The following ZNF148 variants were observed in gnomAD, a reference collection of about 807,000 sequenced individuals.
ZNF148 encodes Beta-Enolase Repressor Factor-1.
ZNF148 carries 7 observed loss-of-function variants against 67.7 expected under a neutral mutation model. The ratio of observed to expected loss-of-function variants is 0.10; its 90% CI spans 0.06 to 0.19. The LOEUF (loss-of-function observed/expected upper bound fraction) is 0.19. Among genes scored for constraint, ZNF148 ranks in the 10% least tolerant of loss-of-function variants. The pLI, the probability that ZNF148 is intolerant of heterozygous loss-of-function variation, is 1.00. For missense variants in ZNF148, 583 were observed against 947.1 expected (o/e 0.62, Z 5.05); for synonymous variants, 333 against 330.7 (o/e 1.01, Z -0.08).
chr3:125,259,610 T>C (rs1184653570), intron 7 of ZNF148, among the ~76,000 whole-genome samples: 9 of 152,242 alleles, frequency 5.9e-5, no homozygotes, highest in Non-Finnish European at 1.2e-4. Flanking sequence ...CTATAGCCTA[T>C]TAAGTGTAAA....
At chr3:125,365,760 G>A (rs1056483072) in intron 1 of ZNF148, among the ~76,000 whole-genome samples, 10 of 152,194 alleles carry the variant, frequency 6.6e-5, no homozygotes, top group Admixed American at 1.3e-4. Flanking sequence ...AGAGGCTGCA[G>A]TGAGCTGCTG....
chr3:125,258,475 GCTGGGCTCAAACTC>G (rs1427708374), intron 7 of ZNF148, among the ~76,000 whole-genome samples: 2 of 146,868 alleles, frequency 1.4e-5, no homozygotes, highest in Admixed American at 6.8e-5. Flanking sequence ...TGTTACCCAG[GCTGGGCTCAAACTC>G]CTGGGCTCAT....
Position 125,339,994 on chromosome 3 carries a change from T to C in ZNF148, c.-233-8756A>G, listed in dbSNP as rs552816127. ...GTTCAGATAAAATGGCCTAGATCTG[T>C]TCTCCTACTGCCCCTACTCACGAAG... On this transcript the variant is annotated intron_variant, in intron 1 of 8. Transcript: ENST00000360647. Among the ~76,000 whole-genome samples the C allele has an allele frequency of 4.0e-4, 61 of 152,272 alleles. 1 individual carries two copies. The South Asian group carries it at 0.012, about 29-fold the overall frequency.
rs745572064 is a variant in ZNF148, at chr3:125,232,641, G to T, written c.2085C>A (p.Asn695Lys). The T allele has an allele frequency of 1.2e-6, 2 of 1,613,676 alleles. No individual in the cohort carries two copies. Residue 695 changes from asparagine (N) to lysine (K), a missense_variant, in exon 9 of 9, where the codon AAC (asparagine) becomes AAA (lysine). This residue lies in a region of ZNF148 where 158 missense variants were observed against 208.4 expected (regional missense o/e 0.76). Transcript: ENST00000360647. The surrounding 1 kb of genome is among the most constrained non-coding windows in gnomAD (Gnocchi z 4.2). ...CCTGTGTTGATGTGGCAGAAGCATG[G>T]TTTGTCTCATCACCTGAAAAGGGAA... ...HSFPFSGDET[N>K]HASATSTQDF...
chr3:125,348,860 C>A (rs528750593), intron 1 of ZNF148, among the ~76,000 whole-genome samples: 13 of 152,110 alleles, frequency 8.5e-5, no homozygotes, highest in Non-Finnish European at 1.5e-4. Context: ...CACATTAAAA[C>A]AGTATGGTAC....
At chr3:125,303,518 G>A (rs576704643) in intron 4 of ZNF148, among the ~76,000 whole-genome samples, 2 of 152,226 alleles carry the variant, frequency 1.3e-5, no homozygotes, top group East Asian at 3.9e-4. Context: ...ATTCTCATAG[G>A]AGCTCAAACC....
At chr3:125,261,515 T>C (rs1560122091) in intron 7 of ZNF148, among the ~76,000 whole-genome samples, 3 of 152,128 alleles carry the variant, frequency 2.0e-5, no homozygotes, top group Admixed American at 2.0e-4. Flanking sequence ...GTTGACAATT[T>C]AAATTAAATA....
intron 7 of ZNF148, among the ~76,000 whole-genome samples, chr3:125,270,704 G>T (rs542922833): frequency 1.3e-5 from 2 of 152,006 alleles, no homozygotes; most frequent in Admixed American, 6.6e-5. Flanking sequence ...AGAAAAATAA[G>T]AAACTACTGT....
At chr3:125,336,418 T>G (rs182400854) in intron 1 of ZNF148, among the ~76,000 whole-genome samples, 15 of 152,310 alleles carry the variant, frequency 9.8e-5, no homozygotes, top group African/African-American at 3.6e-4. Flanking sequence ...AAAAACTTGT[T>G]CCAGGCAAGA....
In ZNF148 at chr3:125,277,774, G is replaced by A; in HGVS notation, c.619C>T (p.Arg207Cys). 6.2e-7 allele frequency: 1 copy of A among 1,610,476 alleles called. No individual in the cohort carries two copies. Among genetic ancestry groups the A allele is most frequent in the Non-Finnish European group, 8.5e-7 (1 of 1,178,580 alleles). The part of the protein sequence containing the change: ...KPFQCSQCDM[R>C]FIQKYLLQRH... ...TGAAGCAGGTACTTCTGTATGAAAC[G>A]CATGTCACATTGACTACATTGAAAT... The change falls in exon 7 of 9, where the codon CGT becomes TGT. Residue 207 changes from arginine to cysteine, a missense_variant. Physicochemically the swap from Arg to Cys is radical, Grantham distance 180 (BLOSUM62 -3). Transcript: ENST00000360647.
chr3:125,307,282 T>G (rs554888701), intron 4 of ZNF148, among the ~76,000 whole-genome samples: 1 of 150,952 alleles, frequency 6.6e-6, no homozygotes, highest in South Asian at 2.1e-4. Context: ...GAAGAAGTAC[T>G]TGATGAAGTT....
At chr3:125,356,048 C>A (rs1942331860) in intron 1 of ZNF148, among the ~76,000 whole-genome samples, 1 of 152,132 alleles carries the variant, frequency 6.6e-6, no homozygotes, top group Non-Finnish European at 1.5e-5. Flanking sequence ...AAAAATATAT[C>A]TTCCCCCCGT....
chr3:125,252,138 T>C (rs1936866158), intron 7 of ZNF148, among the ~76,000 whole-genome samples: 1 of 152,228 alleles, frequency 6.6e-6, no homozygotes, highest in African/African-American at 2.4e-5. Context: ...TACTAGCTTG[T>C]CCTTTAACAG....
chr3:125,374,955 C>G, intron 1 of ZNF148, 147 bp downstream of exon 1: 1 of 151,818 alleles, frequency 6.6e-6, no homozygotes, highest in Admixed American at 6.6e-5. Context: ...CCCTCGGCCT[C>G]GGCTGGCCCC....
At chr3:125,366,793 GCTCT>G (rs1052926474) in intron 1 of ZNF148, among the ~76,000 whole-genome samples, 1 of 152,066 alleles carries the variant, frequency 6.6e-6, no homozygotes, top group African/African-American at 2.4e-5. Flanking sequence ...AGGCAGGAAT[GCTCT>G]CTTTCAGTAA....
intron 3 of ZNF148, among the ~76,000 whole-genome samples, chr3:125,315,829 T>C (rs778987045): frequency 6.6e-6 from 1 of 152,124 alleles, no homozygotes; most frequent in Admixed American, 6.5e-5. Flanking sequence ...GAATGGGGTA[T>C]CCATCCCCTC....
intron 7 of ZNF148, among the ~76,000 whole-genome samples, chr3:125,252,280 A>G (rs1161092030): frequency 6.7e-6 from 1 of 150,182 alleles, no homozygotes; most frequent in Non-Finnish European, 1.5e-5. Flanking sequence ...AGTACTTTCT[A>G]TATCCTGTTT....
intron 7 of ZNF148, among the ~76,000 whole-genome samples, chr3:125,266,660 G>A (rs1247690116): frequency 6.6e-6 from 1 of 151,872 alleles, no homozygotes; most frequent in African/African-American, 2.4e-5. Context: ...CACACCTAAA[G>A]GAACTAGAAA....
At position 125,350,881 on chromosome 3, in the gene ZNF148, G is replaced by A. The variant is rs188465734; in HGVS notation, c.-233-19643C>T. 1.4e-4 allele frequency among the ~76,000 whole-genome samples: 21 copies of A among 152,284 alleles called. No individual in the cohort carries two copies. The East Asian group carries it at 4.0e-3, about 29-fold the overall frequency. On this transcript the variant is annotated intron_variant, in intron 1 of 8. Coordinates refer to ENST00000360647, the MANE Select transcript of ZNF148 (RefSeq NM_021964.3). ...TCCTTAAAGAAGGAAATTCTATAACGTTGACAACATGGATGAACCTTAAGA... is the reference window on the plus strand; with the variant it reads ...TCCTTAAAGAAGGAAATTCTATAACATTGACAACATGGATGAACCTTAAGA...
Sources: allele counts gnomAD v4.1 joint callset (sites outside exome capture counted in the v4.1 genomes callset), GRCh38; gene constraint gnomAD v4.1.1; regional missense constraint gnomAD v4.1.1; non-coding constraint Gnocchi (gnomAD v3.1); transcripts MANE v1.5; gene names NCBI Gene and HGNC (gene_info 2026-07-23, HGNC 2026-07-21).